Variants in ANKRD36 observed in about 807,000 individuals in gnomAD.
The protein encoded by ANKRD36 is ankyrin repeat domain 36, also known as ankyrin repeat domain-containing protein 36A.
In ANKRD36, 179 loss-of-function variants were observed where a neutral mutation model predicts 278.1. The observed-to-expected ratio is 0.64, with a 90% CI of 0.57 to 0.73. ANKRD36 has a LOEUF of 0.73. Ranked by LOEUF, ANKRD36 falls within the 30% of genes least tolerant of loss-of-function variation. The pLI is 0.00. For synonymous variants in ANKRD36, 320 were observed against 641.1 expected, an observed-to-expected ratio of 0.50 and a Z score of 7.57; for missense variants, 1,159 against 1,956.7, an observed-to-expected ratio of 0.59 and a Z score of 7.69.
At chr2:97,196,340 G>C (rs1231826794) in intron 40 of ANKRD36, among the ~76,000 whole-genome samples, 2 of 151,890 alleles carry the variant, frequency 1.3e-5, no homozygotes, top group Non-Finnish European at 2.9e-5. Flanking sequence ...ATATTGATAC[G>C]GTTTTATTTT....
In ANKRD36 at chr2:97,139,312, A is replaced by C. The variant is rs572836711; in HGVS notation, c.800-3328A>C. On this transcript the variant is annotated intron_variant, in intron 6 of 75. Coordinates refer to ENST00000420699, the MANE Select transcript of ANKRD36 (RefSeq NM_001354587.1). ...GAATTAAATTTTTTTTTAAAAAAAG[A>C]AAAAGAAATCACCCAAATGCACATT... 1.5e-4 allele frequency among the ~76,000 whole-genome samples: 23 copies of C among 152,168 alleles called. No individual in the cohort carries two copies. In the South Asian group the frequency reaches 1.9e-3, roughly 12 times the overall value.
chr2:97,209,114 G>T (rs1558801947), intron 54 of ANKRD36, among the ~76,000 whole-genome samples: 1 of 146,590 alleles, frequency 6.8e-6, no homozygotes, highest in South Asian at 2.1e-4. Context: ...GAAAGATAAT[G>T]AATATTATCT....
intron 38 of ANKRD36, 95 bp downstream of exon 38, chr2:97,193,148 A>G (rs1369524900): frequency 2.1e-5 from 25 of 1,215,750 alleles, no homozygotes; most frequent in East Asian, 2.6e-5. Flanking sequence ...TTGAAGCTGC[A>G]CATTCTGATT....
intron 8 of ANKRD36, among the ~76,000 whole-genome samples, chr2:97,143,828 G>A (rs1574864852): frequency 1.3e-5 from 2 of 152,130 alleles, no homozygotes; most frequent in African/African-American, 4.8e-5. Context: ...TATACTTTTT[G>A]ATGAGGTTTG....
At chr2:97,203,013 A>G (rs575962047) in intron 48 of ANKRD36, among the ~76,000 whole-genome samples, 4 of 151,938 alleles carry the variant, frequency 2.6e-5, no homozygotes, top group Admixed American at 1.3e-4. Flanking sequence ...AAGCAATCCT[A>G]GAACTGGCAT....
At chr2:97,232,110 G>C (rs1479047701) in intron 67 of ANKRD36, among the ~76,000 whole-genome samples, 1 of 151,974 alleles carries the variant, frequency 6.6e-6, no homozygotes, top group African/African-American at 2.4e-5. Context: ...AGTGATTTGG[G>C]AGTAGGTAAA....
At chr2:97,125,286 A>G (rs1449074812) in intron 5 of ANKRD36, among the ~76,000 whole-genome samples, 2 of 151,096 alleles carry the variant, frequency 1.3e-5, no homozygotes. Flanking sequence ...TTTTTAGTTC[A>G]GTTGCACATA....
chr2:97,202,143 G>A (rs1368073717), intron 46 of ANKRD36, 59 bp from the exon 47 acceptor site: 4 of 1,603,098 alleles, frequency 2.5e-6, no homozygotes, highest in Non-Finnish European at 2.5e-6. Flanking sequence ...GTGCTCGAAT[G>A]TATGGAAATC....
At chr2:97,260,377 T>TATATAC (rs1376625583) in intron 75 of ANKRD36, among the ~76,000 whole-genome samples, 6 of 125,216 alleles carry the variant, frequency 4.8e-5, no homozygotes, top group Non-Finnish European at 6.2e-5. Context: ...TATATATATA[T>TATATAC]ATACACACAT....
intron 67 of ANKRD36, among the ~76,000 whole-genome samples, chr2:97,229,722 C>T (rs1305199847): frequency 1.3e-5 from 2 of 152,004 alleles, no homozygotes; most frequent in African/African-American, 4.8e-5. Context: ...AATGCAGTTT[C>T]TTCCTAGTCT....
chr2:97,240,980 A>ATGT (rs1558995951), intron 68 of ANKRD36, among the ~76,000 whole-genome samples: 131 of 29,626 alleles, frequency 4.4e-3, no homozygotes, highest in African/African-American at 0.011. Context: ...TCACATAACT[A>ATGT]TGTTTTTTTT....
intron 52 of ANKRD36, 64 bp from the exon 53 acceptor site, chr2:97,207,747 T>A: frequency 6.5e-7 from 1 of 1,536,138 alleles, no homozygotes; most frequent in Non-Finnish European, 8.8e-7. Flanking sequence ...TAACACTGTA[T>A]GAATGTATGG....
At chr2:97,136,012 T>C (rs571581024) in intron 6 of ANKRD36, among the ~76,000 whole-genome samples, 9 of 152,030 alleles carry the variant, frequency 5.9e-5, no homozygotes, top group Non-Finnish European at 1.0e-4. Flanking sequence ...GATTGACTTA[T>C]GGCAGGCAGC....
intron 26 of ANKRD36, 22 bp from the exon 27 acceptor site, chr2:97,183,437 A>G: frequency 1.9e-6 from 3 of 1,547,818 alleles, no homozygotes; most frequent in South Asian, 2.4e-5. Context: ...ATGATGGATT[A>G]TATATTTCTT....
intron 11 of ANKRD36, among the ~76,000 whole-genome samples, chr2:97,147,319 T>C (rs1195242497): frequency 6.6e-6 from 1 of 151,890 alleles, no homozygotes; most frequent in Non-Finnish European, 1.5e-5. Flanking sequence ...TTGATTTCTT[T>C]TCACTTTCTC....
chr2:97,195,352 A>G (rs1292348623), intron 40 of ANKRD36, among the ~76,000 whole-genome samples: 2 of 151,978 alleles, frequency 1.3e-5, no homozygotes, highest in African/African-American at 2.4e-5. Flanking sequence ...TGATGTAGCA[A>G]TTATTTTCTG....
intron 40 of ANKRD36, among the ~76,000 whole-genome samples, 157 bp downstream of exon 40, chr2:97,195,074 C>G (rs1185874974): frequency 6.6e-6 from 1 of 151,980 alleles, no homozygotes; most frequent in Admixed American, 6.6e-5. Context: ...GCTGATGCTA[C>G]TGGTCTGGAA....
rs1392059544 is a variant in ANKRD36, at chr2:97,217,389, C to T, written c.3775+17C>T. The T allele has an allele frequency of 1.3e-6, 2 of 1,549,652 alleles. No homozygotes were observed. The highest frequency in any genetic ancestry group is 2.5e-5 in the East Asian group (1 of 40,392). On this transcript the variant is annotated intron_variant, in intron 64 of 75. Coordinates refer to ENST00000420699, the MANE Select transcript of ANKRD36 (RefSeq NM_001354587.1). ...CTGGAACAGGTAATTTAGCAATATA[C>T]ATTTAATGTCATGTGCACTCAAGAT... is the stretch of plus-strand genomic sequence containing the variant.
intron 6 of ANKRD36, among the ~76,000 whole-genome samples, chr2:97,135,801 T>A (rs1245126208): frequency 6.6e-6 from 1 of 152,016 alleles, no homozygotes; most frequent in Non-Finnish European, 1.5e-5. Context: ...ACTCAGAATC[T>A]TAGGCAATTT....
Sources: allele counts gnomAD v4.1 joint callset (sites outside exome capture counted in the v4.1 genomes callset), GRCh38; gene constraint gnomAD v4.1.1; transcripts MANE v1.5; gene names NCBI Gene and HGNC (gene_info 2026-07-23, HGNC 2026-07-21).